CADM2: variants seen among roughly 807,000 people sequenced by gnomAD.
CADM2 encodes cell adhesion molecule 2.
Under a neutral mutation model 49.8 loss-of-function variants are expected in CADM2, and 12 were observed. The observed-to-expected ratio is 0.24, with a 90% CI of 0.15 to 0.39. The LOEUF is 0.39. Among genes scored for constraint, CADM2 ranks in the 10% least tolerant of loss-of-function variants. The probability of loss-of-function intolerance (pLI) is 1.00; values close to 1 mark genes in which losing one functional copy is unlikely to be tolerated. For missense variants in CADM2, 378 were observed against 492.3 expected, an observed-to-expected ratio of 0.77 and a Z score of 2.20; for synonymous variants, 214 against 175.4, an observed-to-expected ratio of 1.22 and a Z score of -1.74.
intron 1 of CADM2, among the ~76,000 whole-genome samples, chr3:85,412,085 G>A (rs574731368): frequency 5.9e-5 from 9 of 152,090 alleles, no homozygotes; most frequent in South Asian, 2.1e-4. Context: ...ACACTTTAGC[G>A]GACCAAAGTT....
intron 1 of CADM2, among the ~76,000 whole-genome samples, chr3:85,170,995 C>CGA (rs1253774134): frequency 2.0e-5 from 3 of 152,080 alleles, no homozygotes; most frequent in Non-Finnish European, 4.4e-5. Context: ...CACAATTCTA[C>CGA]AACTGAAGGA....
At chr3:85,881,039 T>C (rs959609638) in intron 3 of CADM2, among the ~76,000 whole-genome samples, 2 of 152,164 alleles carry the variant, frequency 1.3e-5, no homozygotes, top group African/African-American at 4.8e-5. Context: ...GATATTTTGT[T>C]ATTGTCTCAC....
chr3:85,532,837 A>T (rs1211622406), intron 1 of CADM2, among the ~76,000 whole-genome samples: 3 of 152,232 alleles, frequency 2.0e-5, no homozygotes, highest in Non-Finnish European at 4.4e-5. Context: ...ATAAAAAATG[A>T]GATAATGTCC....
intron 1 of CADM2, among the ~76,000 whole-genome samples, chr3:85,073,720 C>T (rs1345725411): frequency 3.9e-5 from 6 of 151,968 alleles, no homozygotes; most frequent in African/African-American, 1.4e-4. Context: ...AATATATGAT[C>T]GTTTCAATAC....
intron 1 of CADM2, among the ~76,000 whole-genome samples, chr3:85,429,696 T>C (rs1191610276): frequency 6.6e-6 from 1 of 152,136 alleles, no homozygotes; most frequent in African/African-American, 2.4e-5. Flanking sequence ...GTCCCTACAT[T>C]CCCATAGTAA....
chr3:85,962,742 A>G (rs1724992342), intron 8 of CADM2, among the ~76,000 whole-genome samples: 1 of 151,968 alleles, frequency 6.6e-6, no homozygotes, highest in Admixed American at 6.6e-5. Context: ...AAGAGCCATT[A>G]GCCAATGTAA....
In CADM2 at chr3:85,301,707, C is replaced by T. The variant is rs117376698; in HGVS notation, c.61+342039C>T. 3.0e-4 allele frequency among the ~76,000 whole-genome samples: 46 copies of T among 152,088 alleles called. 3 individuals carry two copies. In the East Asian group the frequency reaches 8.1e-3, roughly 27 times the overall value. On this transcript the variant is annotated intron_variant, in intron 1 of 9. Transcript: ENST00000383699. Reference sequence around the variant, plus strand: ...TGTCTTATAAAGTACATGGCATCTGCAGATTACTGTAGAATATTGTACTTC... The same window carrying T: ...TGTCTTATAAAGTACATGGCATCTGTAGATTACTGTAGAATATTGTACTTC...
chr3:85,322,670 T>C (rs1201686105), intron 1 of CADM2, among the ~76,000 whole-genome samples: 2 of 152,222 alleles, frequency 1.3e-5, no homozygotes, highest in Non-Finnish European at 2.9e-5. Flanking sequence ...TTTTCAGCTT[T>C]TTAAAGTATT....
intron 3 of CADM2, among the ~76,000 whole-genome samples, chr3:85,822,357 G>A (rs1273971477): frequency 2.0e-5 from 3 of 152,132 alleles, no homozygotes; most frequent in South Asian, 2.1e-4. Context: ...GCCGAGGCAG[G>A]CAGATCACTT....
chr3:85,041,130 T>C (rs1314760230), intron 1 of CADM2, among the ~76,000 whole-genome samples: 1 of 152,218 alleles, frequency 6.6e-6, no homozygotes, highest in Non-Finnish European at 1.5e-5. Context: ...ACTTAGTCTC[T>C]AAAACTAATA....
intron 1 of CADM2, among the ~76,000 whole-genome samples, chr3:85,213,283 T>C (rs984490822): frequency 3.9e-5 from 6 of 152,176 alleles, no homozygotes; most frequent in Admixed American, 1.3e-4. Context: ...CTTTTGCTTG[T>C]CTGGTAAGCT....
intron 1 of CADM2, among the ~76,000 whole-genome samples, chr3:84,969,637 A>T (rs571729430): frequency 1.3e-4 from 20 of 152,048 alleles, no homozygotes; most frequent in African/African-American, 4.8e-4. Context: ...ATGCCAATAC[A>T]GTACTCCAAA....
chr3:85,953,649 A>G (rs909211893), intron 7 of CADM2, among the ~76,000 whole-genome samples: 6 of 151,004 alleles, frequency 4.0e-5, no homozygotes, highest in African/African-American at 7.3e-5. Flanking sequence ...ATTATGGTTG[A>G]TGACATATAT....
chr3:85,131,155 G>T (rs186889199), intron 1 of CADM2, among the ~76,000 whole-genome samples: 1 of 151,884 alleles, frequency 6.6e-6, no homozygotes, highest in Non-Finnish European at 1.5e-5. Flanking sequence ...CTCCAGCCTG[G>T]GCAACAAGAG....
intron 1 of CADM2, among the ~76,000 whole-genome samples, chr3:85,291,983 CAT>C (rs1326927695): frequency 6.6e-6 from 1 of 152,068 alleles, no homozygotes; most frequent in Non-Finnish European, 1.5e-5. Flanking sequence ...AATTAAAAGA[CAT>C]AGACTGGCAA....
intron 1 of CADM2, among the ~76,000 whole-genome samples, chr3:85,478,238 C>G (rs2039064164): frequency 6.6e-6 from 1 of 151,802 alleles, no homozygotes; most frequent in South Asian, 2.1e-4. Flanking sequence ...AATTTGAAAT[C>G]TAATGAATAA....
At chr3:86,033,029 T>C (rs889731785) in intron 8 of CADM2, among the ~76,000 whole-genome samples, 2 of 151,760 alleles carry the variant, frequency 1.3e-5, no homozygotes, top group African/African-American at 4.8e-5. Context: ...ATCAAAACCT[T>C]TCCCCAAATT....
At chr3:85,092,993 G>C (rs1435732141) in intron 1 of CADM2, among the ~76,000 whole-genome samples, 1 of 152,030 alleles carries the variant, frequency 6.6e-6, no homozygotes, top group Non-Finnish European at 1.5e-5. Context: ...TCAGCACTTT[G>C]CATAAACTTT....
intron 1 of CADM2, among the ~76,000 whole-genome samples, chr3:85,394,974 G>A (rs74584361): frequency 0.03 from 4,632 of 151,994 alleles, 249 homozygotes; most frequent in African/African-American, 0.1. Context: ...CTAAAATATC[G>A]TAACATTTAA....
Sources: allele counts gnomAD v4.1 joint callset (sites outside exome capture counted in the v4.1 genomes callset), GRCh38; gene constraint gnomAD v4.1.1; transcripts MANE v1.5; gene names NCBI Gene and HGNC (gene_info 2026-07-23, HGNC 2026-07-21).